Variants in AGT observed in about 807,000 individuals in gnomAD.
AGT encodes the protein alpha-1 antiproteinase, antitrypsin.
In AGT, 26 loss-of-function variants were observed where a neutral mutation model predicts 28.1. The ratio of observed to expected loss-of-function variants is 0.92; its 90% CI spans 0.68 to 1.28. AGT has a LOEUF of 1.28. Ranked by LOEUF, AGT falls within the 50% of genes most tolerant of loss-of-function variation. The pLI is 0.00. For synonymous variants in AGT, 259 were observed against 259.6 expected (o/e 1.00, Z 0.02); for missense variants, 596 against 592.3 (o/e 1.01, Z -0.06).
intron 1 of AGT, among the ~76,000 whole-genome samples, chr1:230,722,964 C>A (rs896706397): frequency 6.6e-6 from 1 of 152,106 alleles, no homozygotes; most frequent in African/African-American, 2.4e-5. Context: ...TACGGTTTAG[C>A]TCTGTGTCCC....
chr1:230,727,306 G>T (rs1443389438), intron 1 of AGT, among the ~76,000 whole-genome samples: 1 of 152,184 alleles, frequency 6.6e-6, no homozygotes, highest in Non-Finnish European at 1.5e-5. Flanking sequence ...GGCCCCCCAA[G>T]CCAGGGCAGG....
At chr1:230,740,040 A>G (rs989010218) in intron 1 of AGT, among the ~76,000 whole-genome samples, 3 of 152,226 alleles carry the variant, frequency 2.0e-5, no homozygotes, top group Non-Finnish European at 4.4e-5. Flanking sequence ...TATGCTAAAC[A>G]AAGGGTGGAT....
chr1:230,726,387 A>G lies in AGT; in HGVS notation c.-30-15534T>C, dbSNP rs576252541. Among the ~76,000 whole-genome samples, 20 of 151,920 alleles carry G rather than the reference A, an allele frequency of 1.3e-4. No individual in the cohort carries two copies. The South Asian group carries it at 4.2e-3, about 32-fold the overall frequency. On this transcript the variant is annotated intron_variant, in intron 1 of 4. Transcript: ENST00000681269. ...TCAGATACAGTTTTTAAACCAGCAA[A>G]CCTACTGAAAAAAAAGTCTGAATGT... is the stretch of plus-strand genomic sequence containing the variant.
chr1:230,732,183 T>C (rs1435250628), intron 1 of AGT, among the ~76,000 whole-genome samples: 1 of 152,182 alleles, frequency 6.6e-6, no homozygotes, highest in Non-Finnish European at 1.5e-5. Context: ...TGTTTGTTTG[T>C]AGAGACAGAG....
chr1:230,741,040 TC>T (rs1168041626), intron 1 of AGT, among the ~76,000 whole-genome samples: 1 of 152,146 alleles, frequency 6.6e-6, no homozygotes, highest in Non-Finnish European at 1.5e-5. Context: ...GTGCATAGCA[TC>T]AACCTCCAGC....
In AGT at chr1:230,710,284, G is replaced by A. The variant is rs545870660; in HGVS notation, c.540C>T (p.Gly180=). 1.9e-4 allele frequency: 313 copies of A among 1,613,924 alleles called. 7 individuals are homozygous for A. In the South Asian group the frequency reaches 3.3e-3, roughly 17 times the overall value. ...KVLSALQAVQ[G]LLVAQGRADS... ...CAGCCCTGCCCTGGGCCACTAGCAG[G>A]CCCTGTACAGCCTGCAGGGCAGACA... The change falls in exon 2 of 5, where the codon GGC becomes GGT. Residue 180 remains glycine, a synonymous_variant. Coordinates refer to ENST00000366667, the MANE Select transcript of AGT (RefSeq NM_001384479.1).
intron 3 of AGT, among the ~76,000 whole-genome samples, chr1:230,705,067 A>T (rs780056629): frequency 6.6e-6 from 1 of 152,140 alleles, no homozygotes; most frequent in Non-Finnish European, 1.5e-5. Flanking sequence ...CCTCGAGGAC[A>T]TCGTGGTGGT....
At chr1:230,710,899 C>A in intron 1 of AGT, 46 bp from the exon 2 acceptor site, 1 of 1,595,298 alleles carries the variant, frequency 6.3e-7, no homozygotes, top group Non-Finnish European at 8.5e-7. Flanking sequence ...ATTAACTGAC[C>A]TTTAAGTGCC....
In AGT at chr1:230,703,195, G is replaced by A. The variant is rs137904474; in HGVS notation, c.1377C>T (p.Ser459=). The A allele has an allele frequency of 6.8e-6, 11 of 1,614,178 alleles. 1 individual carries two copies. The highest frequency in any genetic ancestry group is 2.2e-5 in the East Asian group (1 of 44,862). The change falls in exon 5 of 5, where the codon AGC becomes AGT. Residue 459 remains serine, a synonymous_variant. Transcript: ENST00000366667. ...GGCCCAGGAAGTGCAGGGCAGTGGCGCTTTGATCATACACAGCAAACAGGA... is the reference window on the plus strand; with the variant it reads ...GGCCCAGGAAGTGCAGGGCAGTGGCACTTTGATCATACACAGCAAACAGGA... ...RPFLFAVYDQ[S]ATALHFLGRV...
intron 1 of AGT, among the ~76,000 whole-genome samples, chr1:230,711,721 A>G (rs1383119361): frequency 6.6e-6 from 1 of 151,850 alleles, no homozygotes; most frequent in Admixed American, 6.6e-5. Flanking sequence ...CCATCCCTGC[A>G]TAGCGCTATC....
chr1:230,704,107 G>C, intron 4 of AGT, 86 bp downstream of exon 4: 1 of 1,602,240 alleles, frequency 6.2e-7, no homozygotes, highest in Non-Finnish European at 8.5e-7. Flanking sequence ...CCCACCCATA[G>C]CCTCCTCTGT....
intron 1 of AGT, among the ~76,000 whole-genome samples, chr1:230,739,263 AAGGATGGC>A (rs1215075046): frequency 6.6e-6 from 1 of 151,636 alleles, no homozygotes; most frequent in Non-Finnish European, 1.5e-5. Context: ...GCTGAGGCAG[AAGGATGGC>A]TGGAGCCCAG....
intron 1 of AGT, among the ~76,000 whole-genome samples, chr1:230,742,824 T>C (rs1295703265): frequency 6.6e-6 from 1 of 152,222 alleles, no homozygotes; most frequent in African/African-American, 2.4e-5. Flanking sequence ...AGCAAGCTGG[T>C]ATACCTTTCA....
intron 4 of AGT, among the ~76,000 whole-genome samples, 198 bp from the exon 5 acceptor site, chr1:230,703,527 A>G (rs184180420): frequency 4.0e-5 from 6 of 151,464 alleles, no homozygotes; most frequent in Admixed American, 3.9e-4. Context: ...TGTGTAGATG[A>G]CCGTTAATTG....
chr1:230,724,634 A>G (rs7516620), intron 1 of AGT, among the ~76,000 whole-genome samples: 27,323 of 152,016 alleles, frequency 0.18, 3,279 homozygotes, highest in East Asian at 0.49. Flanking sequence ...GACCAGCTTC[A>G]GCAACATGGC....
intron 1 of AGT, among the ~76,000 whole-genome samples, chr1:230,722,973 C>T (rs1663876026): frequency 6.6e-6 from 1 of 152,064 alleles, no homozygotes; most frequent in South Asian, 2.1e-4. Flanking sequence ...GCTCTGTGTC[C>T]CCACCCAAAT....
In AGT at chr1:230,710,118, C is replaced by A. The variant is rs1212482611; in HGVS notation, c.706G>T (p.Asp236Tyr). 3.1e-6 allele frequency: 5 copies of A among 1,614,218 alleles called. No homozygotes were observed. The Admixed American group carries it at 8.3e-5, about 27-fold the overall frequency. Residue 236 changes from aspartate to tyrosine, a missense_variant, in exon 2 of 5, where the codon GAT becomes TAT. Asp to Tyr is a radical substitution (Grantham distance 160). Coordinates refer to ENST00000366667, the MANE Select transcript of AGT (RefSeq NM_001384479.1). ...CTGTCAATCTTCTCAGCAGCAACAT[C>A]CAGTTCTGTGAAGTCCAGAGAGCGT... ...LPRSLDFTEL[D>Y]VAAEKIDRFM... is the part of the protein sequence containing the mutation.
chr1:230,704,533 C>T (rs1437230267), intron 3 of AGT, among the ~76,000 whole-genome samples, 196 bp from the exon 4 acceptor site: 1 of 152,226 alleles, frequency 6.6e-6, no homozygotes, highest in Non-Finnish European at 1.5e-5. Flanking sequence ...ATGTCATTTG[C>T]AATACTATGT....
chr1:230,733,533 C>T (rs1268543336), intron 1 of AGT, among the ~76,000 whole-genome samples: 1 of 152,102 alleles, frequency 6.6e-6, no homozygotes. Flanking sequence ...GATTTGTTTG[C>T]CTTTGTCTAC....
Sources: gnomAD v4.1 joint callset for allele counts (sites outside exome capture counted in the v4.1 genomes callset) on GRCh38, gnomAD v4.1.1 for gene constraint, MANE v1.5 for transcripts, NCBI Gene and HGNC (gene_info 2026-07-23, HGNC 2026-07-21) for gene names.